The following THSD7B variants were observed in gnomAD, a reference collection of about 807,000 sequenced individuals.
The protein encoded by THSD7B is thrombospondin type-1 domain-containing protein 7B.
In THSD7B, 138 loss-of-function variants were observed where a neutral mutation model predicts 213.6. The ratio of observed to expected loss-of-function variants is 0.65; its 90% CI spans 0.56 to 0.74. The LOEUF (loss-of-function observed/expected upper bound fraction) is 0.74. Among genes scored for constraint, THSD7B ranks in the 30% least tolerant of loss-of-function variants. The pLI, the probability that THSD7B is intolerant of heterozygous loss-of-function variation, is 0.00. For synonymous variants in THSD7B, 742 were observed against 687.0 expected (o/e 1.08, Z -1.25); for missense variants, 1,931 against 1,991.5 (o/e 0.97, Z 0.58).
intron 1 of THSD7B, among the ~76,000 whole-genome samples, chr2:136,778,561 T>C (rs1681656662): frequency 6.6e-6 from 1 of 152,196 alleles, no homozygotes; most frequent in South Asian, 2.1e-4. Context: ...AGCCAGGGGC[T>C]CCAAAGTTCT....
intron 2 of THSD7B, among the ~76,000 whole-genome samples, chr2:136,959,965 G>A (rs1685189086): frequency 6.6e-6 from 1 of 152,218 alleles, no homozygotes; most frequent in Non-Finnish European, 1.5e-5. Context: ...CCTGGATTCA[G>A]AATTAAGAGC....
At chr2:137,546,711 A>T (rs530757928) in intron 15 of THSD7B, among the ~76,000 whole-genome samples, 7 of 150,256 alleles carry the variant, frequency 4.7e-5, no homozygotes, top group African/African-American at 1.5e-4. Context: ...TTTATGTTTT[A>T]ACCTATTATC....
chr2:137,002,410 G>A (rs1362447560), intron 2 of THSD7B, among the ~76,000 whole-genome samples: 1 of 138,662 alleles, frequency 7.2e-6, no homozygotes, highest in Non-Finnish European at 1.5e-5. Context: ...AGGGGACTAG[G>A]ACCTGGGTGA....
At chr2:137,057,375 T>C (rs991398530) in intron 3 of THSD7B, 145 bp downstream of exon 3, 6 of 825,634 alleles carry the variant, frequency 7.3e-6, no homozygotes, top group South Asian at 3.8e-5. Context: ...TAAGAAATTT[T>C]TAATTTCACT....
At chr2:137,066,189 C>CTTT (rs70975797) in intron 3 of THSD7B, among the ~76,000 whole-genome samples, 16 of 115,718 alleles carry the variant, frequency 1.4e-4, no homozygotes, top group South Asian at 2.7e-4. Context: ...TGAGTTTTCA[C>CTTT]TTTTTTTTTT....
chr2:137,027,884 A>G (rs1174401400), intron 2 of THSD7B, among the ~76,000 whole-genome samples: 2 of 152,148 alleles, frequency 1.3e-5, no homozygotes, highest in Non-Finnish European at 2.9e-5. Flanking sequence ...ACTTGCTTCA[A>G]TTTCTTCATC....
chr2:136,818,700 C>T (rs907355853), intron 1 of THSD7B, among the ~76,000 whole-genome samples: 1 of 152,114 alleles, frequency 6.6e-6, no homozygotes, highest in African/African-American at 2.4e-5. Flanking sequence ...TTTAGTTCTT[C>T]AGCCTCTATG....
At chr2:136,843,836 G>C (rs1318622786) in intron 1 of THSD7B, among the ~76,000 whole-genome samples, 3 of 152,098 alleles carry the variant, frequency 2.0e-5, no homozygotes, top group African/African-American at 7.2e-5. Flanking sequence ...CATATGGTGG[G>C]GTTCTGGGGG....
At chr2:137,587,475 C>A (rs1398545032) in intron 17 of THSD7B, among the ~76,000 whole-genome samples, 1 of 152,056 alleles carries the variant, frequency 6.6e-6, no homozygotes, top group East Asian at 1.9e-4. Flanking sequence ...TTTTATCTAC[C>A]TTTGGTCTTT....
intron 14 of THSD7B, among the ~76,000 whole-genome samples, chr2:137,415,055 C>A (rs867156632): frequency 2.5e-3 from 302 of 122,714 alleles, no homozygotes; most frequent in East Asian, 3.9e-3. Context: ...GACCCTGTCT[C>A]AAAAAAAAAA....
chr2:136,857,668 G>A (rs563351015), intron 1 of THSD7B, among the ~76,000 whole-genome samples: 65 of 152,168 alleles, frequency 4.3e-4, no homozygotes, highest in African/African-American at 1.5e-3. Flanking sequence ...TAAATCCAGG[G>A]CTATCAAGTG....
intron 2 of THSD7B, among the ~76,000 whole-genome samples, chr2:136,982,102 T>G (rs968689956): frequency 1.3e-5 from 2 of 152,198 alleles, no homozygotes; most frequent in African/African-American, 4.8e-5. Flanking sequence ...TTAAAAGCCA[T>G]GGCAGACAGG....
chr2:137,661,504 T>C (rs548045098), intron 25 of THSD7B, among the ~76,000 whole-genome samples: 3 of 151,898 alleles, frequency 2.0e-5, no homozygotes, highest in Non-Finnish European at 4.4e-5. Flanking sequence ...TAGTTTGACA[T>C]GGTTATGTCA....
At chr2:137,402,232 C>G (rs933401941) in intron 12 of THSD7B, among the ~76,000 whole-genome samples, 1 of 152,144 alleles carries the variant, frequency 6.6e-6, no homozygotes, top group African/African-American at 2.4e-5. Context: ...TATCTTAGTT[C>G]AGATAGCTCC....
chr2:137,437,115 T>A (rs1472300219), intron 14 of THSD7B, among the ~76,000 whole-genome samples: 1 of 152,156 alleles, frequency 6.6e-6, no homozygotes, highest in Non-Finnish European at 1.5e-5. Flanking sequence ...TTTTCCCAGA[T>A]CATCTTTTGA....
At chr2:137,621,644 A>C (rs1682522025) in intron 20 of THSD7B, among the ~76,000 whole-genome samples, 2 of 152,206 alleles carry the variant, frequency 1.3e-5, no homozygotes, top group African/African-American at 4.8e-5. Flanking sequence ...CTGGCTTAGA[A>C]CAGAACTCTG....
intron 18 of THSD7B, among the ~76,000 whole-genome samples, chr2:137,617,931 G>A (rs1682438125): frequency 6.6e-6 from 1 of 152,104 alleles, no homozygotes; most frequent in Admixed American, 6.6e-5. Flanking sequence ...ACCCCCAAAT[G>A]TTCTCCCTCA....
At position 137,056,953 on chromosome 2, in the gene THSD7B, G is replaced by C. The variant is rs766688640; in HGVS notation, c.673G>C (p.Ala225Pro). Residue 225 changes from alanine (A) to proline (P), a missense_variant, in exon 3 of 28, where the codon GCC becomes CCC. By Grantham distance (27) the Ala-to-Pro change is conservative. Coordinates refer to ENST00000409968, the MANE Select transcript of THSD7B (RefSeq NM_001316349.2). Reference sequence around the variant, plus strand: ...ATGTCCAAATCTGACTGAGTCAAGAGCCTGTGATGCTCCCATTTCCTGTCC... The same window carrying C: ...ATGTCCAAATCTGACTGAGTCAAGACCCTGTGATGCTCCCATTTCCTGTCC... ...LQCPNLTESR[A>P]CDAPISCPLG... is the part of the protein sequence containing the mutation. 1.2e-6 allele frequency: 2 copies of C among 1,613,938 alleles called. No homozygotes were observed. Among genetic ancestry groups the C allele is most frequent in the Non-Finnish European group, 1.7e-6 (2 of 1,179,882 alleles).
chr2:137,469,661 AT>A (rs1422877066), intron 15 of THSD7B, among the ~76,000 whole-genome samples: 1 of 152,212 alleles, frequency 6.6e-6, no homozygotes, highest in African/African-American at 2.4e-5. Context: ...GAAAAGATTA[AT>A]TTTTAATGCC....
Sources: allele counts gnomAD v4.1 joint callset (sites outside exome capture counted in the v4.1 genomes callset), GRCh38; gene constraint gnomAD v4.1.1; transcripts MANE v1.5; gene names NCBI Gene and HGNC (gene_info 2026-07-23, HGNC 2026-07-21).